CENPE: variants seen among roughly 807,000 people sequenced by gnomAD.
CENPE encodes the protein centromere-associated protein E.
CENPE carries 145 observed loss-of-function variants against 336.1 expected under a neutral mutation model. The ratio of observed to expected loss-of-function variants is 0.43; its 90% CI spans 0.38 to 0.50. CENPE has a LOEUF of 0.50. Ranked by LOEUF, CENPE falls within the 20% of genes least tolerant of loss-of-function variation. The pLI, the probability that CENPE is intolerant of heterozygous loss-of-function variation, is 0.00. For missense variants in CENPE, 2,719 were observed against 3,023.3 expected, an observed-to-expected ratio of 0.90 and a Z score of 2.36; for synonymous variants, 1,013 against 984.8, an observed-to-expected ratio of 1.03 and a Z score of -0.54.
At chr4:103,112,738 TTATAAGTATATAAGTGTATATATA>T (rs1560588031) in intron 46 of CENPE, among the ~76,000 whole-genome samples, 1 of 115,376 alleles carries the variant, frequency 8.7e-6, no homozygotes, top group Non-Finnish European at 1.7e-5. Context: ...ATATATATAC[TTATAAGTATATAAGTGTATATATA>T]TACTTATAAG....
At chr4:103,133,548 G>T (rs1751798324) in intron 41 of CENPE, 147 bp downstream of exon 41, 1 of 632,464 alleles carries the variant, frequency 1.6e-6, no homozygotes, top group Non-Finnish European at 2.7e-6. Flanking sequence ...TCCATTATTT[G>T]CCAGTCTTTA....
chr4:103,162,316 TA>T (rs371563018), intron 18 of CENPE, among the ~76,000 whole-genome samples: 1,674 of 146,704 alleles, frequency 0.011, 23 homozygotes, highest in African/African-American at 0.035. Context: ...ACTGTTATCA[TA>T]AAAAAAAAAG....
intron 8 of CENPE, among the ~76,000 whole-genome samples, chr4:103,189,504 C>G (rs1477224283): frequency 6.6e-6 from 1 of 152,136 alleles, no homozygotes; most frequent in African/African-American, 2.4e-5. Flanking sequence ...AATCAATAAA[C>G]GTAATCCAGC....
intron 16 of CENPE, among the ~76,000 whole-genome samples, chr4:103,170,366 A>G (rs529442210): frequency 6.6e-6 from 1 of 152,344 alleles, no homozygotes; most frequent in South Asian, 2.1e-4. Context: ...GAAGGAAAAC[A>G]GTTGTAACAT....
At chr4:103,163,310 G>T in intron 17 of CENPE, 54 bp from the exon 18 acceptor site, 1 of 1,496,740 alleles carries the variant, frequency 6.7e-7, no homozygotes, top group Non-Finnish European at 9.1e-7. Flanking sequence ...GAAGTCTAAG[G>T]GATTAAAACA....
intron 24 of CENPE, among the ~76,000 whole-genome samples, chr4:103,153,534 C>T (rs1037594578): frequency 6.6e-6 from 1 of 152,178 alleles, no homozygotes; most frequent in Non-Finnish European, 1.5e-5. Context: ...GCTCTTACGT[C>T]TGTTCACTAA....
intron 16 of CENPE, among the ~76,000 whole-genome samples, chr4:103,170,392 C>A (rs1578653060): frequency 6.6e-6 from 1 of 151,992 alleles, no homozygotes; most frequent in Non-Finnish European, 1.5e-5. Context: ...GTTAGAAAAT[C>A]AAATATTCAG....
intron 16 of CENPE, among the ~76,000 whole-genome samples, chr4:103,166,040 T>C (rs1453502703): frequency 6.6e-6 from 1 of 152,136 alleles, no homozygotes; most frequent in African/African-American, 2.4e-5. Context: ...CTCAATTCAA[T>C]AAGCTTCAAT....
intron 9 of CENPE, among the ~76,000 whole-genome samples, chr4:103,184,867 G>T (rs1043740250): frequency 6.6e-6 from 1 of 152,034 alleles, no homozygotes; most frequent in African/African-American, 2.4e-5. Flanking sequence ...ACATGAAAAT[G>T]TACTCTTGAT....
intron 42 of CENPE, 25 bp from the exon 43 acceptor site, chr4:103,123,114 T>C: frequency 1.9e-6 from 3 of 1,563,776 alleles, no homozygotes; most frequent in South Asian, 2.2e-5. Context: ...AATACCATTA[T>C]AGCTCTAAAA....
intron 16 of CENPE, among the ~76,000 whole-genome samples, chr4:103,170,010 A>T (rs1022516245): frequency 9.2e-5 from 14 of 152,140 alleles, no homozygotes; most frequent in African/African-American, 3.4e-4. Flanking sequence ...AGAAACCATC[A>T]TTCTCAGCAA....
rs1299366791 is a variant in CENPE at position 103,140,373 on chromosome 4, T to G, written c.5796A>C (p.Leu1932=). 1.2e-6 allele frequency: 2 copies of G among 1,605,410 alleles called. No homozygotes were observed. The highest frequency in any genetic ancestry group is 1.7e-6 in the Non-Finnish European group (2 of 1,176,512). The change falls in exon 37 of 49, where the codon CTA becomes CTC. Residue 1932 remains leucine (L), a synonymous_variant. Coordinates refer to ENST00000265148, the MANE Select transcript of CENPE (RefSeq NM_001813.3). ...CAACAGTTTCTTTGTGTTCTTTTGA[T>G]AGCATACGAGCAGTTTTTAGTTCCT... ...IQQELKTARM[L]SKEHKETVDK...
At chr4:103,182,471 G>C (rs1578675271) in intron 11 of CENPE, among the ~76,000 whole-genome samples, 1 of 152,004 alleles carries the variant, frequency 6.6e-6, no homozygotes, top group South Asian at 2.1e-4. Context: ...CCATTGATAG[G>C]ACTAATATTA....
chr4:103,133,677 A>T lies in CENPE; in HGVS notation c.6720+18T>A, dbSNP rs2125900376. Reference sequence around the variant, plus strand: ...AAAGGCTTAAAATCTAACTAAATCCATTTAAAATAAATTATACCTCAATAT... The same window carrying T: ...AAAGGCTTAAAATCTAACTAAATCCTTTTAAAATAAATTATACCTCAATAT... On this transcript the variant is annotated intron_variant, in intron 41 of 48. Coordinates refer to ENST00000265148, the MANE Select transcript of CENPE (RefSeq NM_001813.3). 6.7e-7 allele frequency: 1 copy of T among 1,501,746 alleles called. No individual in the cohort carries two copies. The highest frequency in any genetic ancestry group is 2.3e-5 in the East Asian group (1 of 44,062). 93.0% of individuals were successfully genotyped at this position (1,501,746 alleles called of 1,614,324 possible).
Position 103,122,897 on chromosome 4 carries a change from AT to A in CENPE, c.7116del (p.Ser2373GlnfsTer6). 1.2e-6 allele frequency: 2 copies of A among 1,613,286 alleles called. No individual in the cohort carries two copies. The highest frequency in any genetic ancestry group is 2.2e-5 in the South Asian group (2 of 91,062). On this transcript the variant is annotated frameshift_variant, in exon 43 of 49. Coordinates refer to ENST00000265148, the MANE Select transcript of CENPE (RefSeq NM_001813.3). LOFTEE classifies it high-confidence loss of function. ...TCTGTGGTTAACTGTGTAGCTCTTG[AT>A]GTAACATGAGGATTCTTATTGTCTT... ...TTQDNKNPHV[T>X]SRATQLTTEK...
At chr4:103,193,442 T>A (rs1478306256) in intron 8 of CENPE, among the ~76,000 whole-genome samples, 1 of 152,120 alleles carries the variant, frequency 6.6e-6, no homozygotes, top group African/African-American at 2.4e-5. Context: ...TAGATTGCTT[T>A]TTTCCCTGAA....
chr4:103,144,308 G>A (rs762560095), intron 33 of CENPE, 23 bp downstream of exon 33: 14 of 1,565,524 alleles, frequency 8.9e-6, no homozygotes, highest in African/African-American at 1.4e-5. Context: ...AGTTACTAGA[G>A]GTGTAGAGAG....
intron 39 of CENPE, among the ~76,000 whole-genome samples, chr4:103,137,359 A>G (rs896608095): frequency 2.0e-5 from 3 of 152,198 alleles, no homozygotes; most frequent in Non-Finnish European, 2.9e-5. Context: ...ACAGGTAGAG[A>G]AACATGTAAA....
Position 103,136,244 on chromosome 4 carries a change from G to T in CENPE, c.6419C>A (p.Ala2140Glu). Residue 2140 changes from alanine to glutamate, a missense_variant, in exon 40 of 49, where the codon GCA (alanine) becomes GAA (glutamate). Physicochemically the swap from Ala to Glu is moderately radical, Grantham distance 107. Around this residue, in one of 5 missense-constraint regions of CENPE, gnomAD observed 2,437 missense variants for 2,513.3 expected, o/e 0.97. Coordinates refer to ENST00000265148, the MANE Select transcript of CENPE (RefSeq NM_001813.3). Reference sequence around the variant, plus strand: ...TTGTAAATAGGGAAGTGAGAGGTTTGCTTTAACTCTCATTGAAAGCTCTTT... The same window carrying T: ...TTGTAAATAGGGAAGTGAGAGGTTTTCTTTAACTCTCATTGAAAGCTCTTT... ...FQKELSMRVK[A>E]NLSLPYLQTK... 1 of 1,613,452 alleles carries T rather than the reference G, an allele frequency of 6.2e-7. No individual in the cohort carries two copies. Among genetic ancestry groups the T allele is most frequent in the Non-Finnish European group, 8.5e-7 (1 of 1,179,528 alleles).
Sources: allele counts gnomAD v4.1 joint callset (sites outside exome capture counted in the v4.1 genomes callset), GRCh38; gene constraint gnomAD v4.1.1; regional missense constraint gnomAD v4.1.1; transcripts MANE v1.5; gene names NCBI Gene and HGNC (gene_info 2026-07-23, HGNC 2026-07-21).